PARD3B: variants seen among roughly 807,000 people sequenced by gnomAD.
The protein encoded by PARD3B is partitioning defective 3 homolog B.
Under a neutral mutation model 130.2 loss-of-function variants are expected in PARD3B, and 103 were observed. That is an observed-to-expected ratio of 0.79 (90% CI 0.67 to 0.93). PARD3B has a LOEUF of 0.93. PARD3B is among the 40% of genes least tolerant of loss of function. The pLI is 0.00. For synonymous variants in PARD3B, 583 were observed against 553.2 expected (o/e 1.05, Z -0.76); for missense variants, 1,609 against 1,499.2 (o/e 1.07, Z -1.21).
At chr2:204,988,726 T>G (rs139629840) in intron 3 of PARD3B, among the ~76,000 whole-genome samples, 5 of 152,302 alleles carry the variant, frequency 3.3e-5, no homozygotes, top group Non-Finnish European at 5.9e-5. Context: ...TGGAAATTGT[T>G]CTTCATATCA....
At chr2:204,555,773 G>A (rs2030881846) in intron 1 of PARD3B, among the ~76,000 whole-genome samples, 2 of 152,062 alleles carry the variant, frequency 1.3e-5, no homozygotes, top group South Asian at 4.1e-4. Context: ...ACCTAGTGCC[G>A]TTTTCTCTCT....
At chr2:205,298,447 A>G (rs779008089) in intron 16 of PARD3B, among the ~76,000 whole-genome samples, 5 of 151,744 alleles carry the variant, frequency 3.3e-5, no homozygotes, top group African/African-American at 4.8e-5. Flanking sequence ...TATCCTCAGT[A>G]TTTATGACTT....
intron 18 of PARD3B, among the ~76,000 whole-genome samples, chr2:205,380,990 C>A (rs185521965): frequency 0.01 from 606 of 57,824 alleles, 104 homozygotes; most frequent in African/African-American, 0.021. Flanking sequence ...TATATAATAT[C>A]TAAAGAATAT....
At chr2:205,548,809 A>T (rs1575326618) in intron 21 of PARD3B, among the ~76,000 whole-genome samples, 1 of 152,166 alleles carries the variant, frequency 6.6e-6, no homozygotes, top group Admixed American at 6.6e-5. Flanking sequence ...TCTGTGGAAG[A>T]CACTGCCAAG....
chr2:205,372,871 C>A (rs1047541272), intron 18 of PARD3B, among the ~76,000 whole-genome samples: 4 of 152,034 alleles, frequency 2.6e-5, no homozygotes, highest in African/African-American at 9.7e-5. Context: ...CCCAGCTACT[C>A]GGGAGGCTGA....
intron 20 of PARD3B, among the ~76,000 whole-genome samples, chr2:205,482,944 T>TA (rs1301684920): frequency 6.6e-6 from 1 of 152,094 alleles, no homozygotes; most frequent in African/African-American, 2.4e-5. Context: ...TCTCTGGACT[T>TA]ACATCTGTCC....
At chr2:204,660,791 G>A (rs1291441881) in intron 1 of PARD3B, among the ~76,000 whole-genome samples, 2 of 152,156 alleles carry the variant, frequency 1.3e-5, no homozygotes, top group South Asian at 2.1e-4. Flanking sequence ...AATAGCAATT[G>A]TGTGATGTTT....
chr2:205,548,349 C>T (rs2052467565), intron 21 of PARD3B, among the ~76,000 whole-genome samples: 2 of 152,120 alleles, frequency 1.3e-5, no homozygotes, highest in South Asian at 2.1e-4. Flanking sequence ...ATTGACATGT[C>T]TCAAGTCAGT....
At chr2:205,437,177 G>A (rs186983385) in intron 19 of PARD3B, among the ~76,000 whole-genome samples, 73 of 152,212 alleles carry the variant, frequency 4.8e-4, no homozygotes, top group Non-Finnish European at 8.2e-4. Context: ...TTCATAGCAA[G>A]GCATGAGATT....
In PARD3B at chr2:205,230,700, C is replaced by T. The variant is rs1335296794; in HGVS notation, c.2141-15078C>T. On this transcript the variant is annotated intron_variant, in intron 15 of 22. Coordinates refer to ENST00000406610, the MANE Select transcript of PARD3B (RefSeq NM_001302769.2). The surrounding 1 kb of genome is among the most constrained non-coding windows in gnomAD (Gnocchi z 4.1). ...CTCCAAGCCCAGCACAGCATCAAGA[C>T]TTGCCCAGTAATTGCAGTCCTTAGG... 6.6e-6 allele frequency among the ~76,000 whole-genome samples: 1 copy of T among 152,160 alleles called. No homozygotes were observed. Among genetic ancestry groups the T allele is most frequent in the Non-Finnish European group, 1.5e-5 (1 of 68,034 alleles).
At chr2:204,867,153 A>G (rs1164982507) in intron 2 of PARD3B, among the ~76,000 whole-genome samples, 6 of 150,674 alleles carry the variant, frequency 4.0e-5, no homozygotes, top group African/African-American at 9.7e-5. Flanking sequence ...GCATTTGTTG[A>G]TTTTTTTTTT....
At position 205,550,935 on chromosome 2, in the gene PARD3B, GTGTGTGTATATATATA is replaced by G. The variant is rs1407336535; in HGVS notation, c.3181-2383_3181-2368del. On this transcript the variant is annotated intron_variant, in intron 21 of 22. Transcript: ENST00000406610. The surrounding 1 kb of genome is among the most constrained non-coding windows in gnomAD (Gnocchi z 4.5). Reference sequence around the variant, plus strand: ...AATACATATAATTATGTGTGTGTGTGTGTGTGTATATATATATGTGTATATATATATATATATATAT... The same window carrying G: ...AATACATATAATTATGTGTGTGTGTGTGTGTATATATATATATATATATAT... 9.4e-4 allele frequency among the ~76,000 whole-genome samples: 80 copies of G among 84,834 alleles called. No individual in the cohort carries two copies. The highest frequency in any genetic ancestry group is 7.6e-3 in the South Asian group (15 of 1,986). 55.7% of individuals were successfully genotyped at this position (84,834 alleles called of 152,430 possible). A position where few individuals can be genotyped will look rare whatever the true frequency, so the allele number is the denominator to read the frequency against.
In PARD3B at chr2:204,599,108, C is replaced by T. The variant is rs997293230; in HGVS notation, c.120+52989C>T. On this transcript the variant is annotated intron_variant, in intron 1 of 22. Coordinates refer to ENST00000406610, the MANE Select transcript of PARD3B (RefSeq NM_001302769.2). ...TTTTGCAAGAACCCTGGTGATCTTT[C>T]GATACATACAGTGAAGGCACAGTGA... 8.6e-5 allele frequency among the ~76,000 whole-genome samples: 13 copies of T among 151,136 alleles called. No individual in the cohort carries two copies. In the East Asian group the frequency reaches 1.6e-3, roughly 18 times the overall value.
chr2:205,511,272 T>C (rs998745575), intron 21 of PARD3B, among the ~76,000 whole-genome samples: 1 of 152,210 alleles, frequency 6.6e-6, no homozygotes, highest in African/African-American at 2.4e-5. Context: ...GTTACCCATC[T>C]CTGGCTCAAA....
chr2:205,166,383 G>C (rs1331262406), intron 11 of PARD3B, among the ~76,000 whole-genome samples: 1 of 152,062 alleles, frequency 6.6e-6, no homozygotes, highest in African/African-American at 2.4e-5. Context: ...GGGCATTTTG[G>C]GTAGAAGAAA....
intron 2 of PARD3B, among the ~76,000 whole-genome samples, chr2:204,949,789 A>C (rs1426790909): frequency 6.6e-6 from 1 of 152,216 alleles, no homozygotes; most frequent in East Asian, 1.9e-4. Flanking sequence ...TTTATAAATT[A>C]AGTCTATCTT....
intron 2 of PARD3B, among the ~76,000 whole-genome samples, chr2:204,702,402 A>T (rs2037935855): frequency 2.6e-5 from 4 of 152,086 alleles, no homozygotes. Flanking sequence ...CCTCACCAGC[A>T]TCTGTTGCTT....
intron 18 of PARD3B, among the ~76,000 whole-genome samples, chr2:205,307,968 G>T (rs1035707447): frequency 3.3e-5 from 5 of 152,194 alleles, no homozygotes; most frequent in African/African-American, 1.2e-4. Context: ...ATTATGCCTT[G>T]CAAACTCCTT....
chr2:205,473,709 T>C lies in PARD3B; in HGVS notation c.3045-26187T>C, dbSNP rs61356520. On this transcript the variant is annotated intron_variant, in intron 20 of 22. Transcript: ENST00000406610. The surrounding 1 kb of genome is among the most constrained non-coding windows in gnomAD (Gnocchi z 4.9). ...GTATATATATATATATATATATATA[T>C]ACACACACACGTATATAAAACCCTA... 5.9e-3 allele frequency among the ~76,000 whole-genome samples: 568 copies of C among 96,046 alleles called. 5 individuals are homozygous for C. The highest frequency in any genetic ancestry group is 0.01 in the South Asian group (38 of 3,662). The allele number at this position is 96,046 out of a possible 152,430, so 63.0% of individuals were successfully genotyped here.
Sources: allele counts gnomAD v4.1 joint callset (sites outside exome capture counted in the v4.1 genomes callset), GRCh38; gene constraint gnomAD v4.1.1; non-coding constraint Gnocchi (gnomAD v3.1); transcripts MANE v1.5; gene names NCBI Gene and HGNC (gene_info 2026-07-23, HGNC 2026-07-21).